SPOCK1: variants seen among roughly 807,000 people sequenced by gnomAD.
SPOCK1 encodes SPARC (osteonectin), cwcv and kazal like domains proteoglycan 1.
In SPOCK1, 23 loss-of-function variants were observed where a neutral mutation model predicts 55.3. That is an observed-to-expected ratio of 0.42 (90% CI 0.30 to 0.59). The LOEUF is 0.59. SPOCK1 is among the 20% of genes least tolerant of loss of function. The pLI is 0.22. For missense variants in SPOCK1, 499 were observed against 552.5 expected (o/e 0.90, Z 0.97); for synonymous variants, 226 against 221.0 (o/e 1.02, Z -0.20).
chr5:137,117,105 G>A (rs1181584997), intron 4 of SPOCK1, among the ~76,000 whole-genome samples: 1 of 152,172 alleles, frequency 6.6e-6, no homozygotes. Flanking sequence ...GCACACCCAG[G>A]CTAAAAGCCT....
At chr5:137,173,957 A>T (rs1201829063) in intron 3 of SPOCK1, among the ~76,000 whole-genome samples, 3 of 152,228 alleles carry the variant, frequency 2.0e-5, no homozygotes, top group Non-Finnish European at 4.4e-5. Flanking sequence ...AATAAAAGGG[A>T]TAGAGGTCCA....
At chr5:137,037,718 A>C (rs530541392) in intron 6 of SPOCK1, among the ~76,000 whole-genome samples, 56 of 152,290 alleles carry the variant, frequency 3.7e-4, no homozygotes, top group African/African-American at 1.3e-3. Context: ...CCTAAAAAAA[A>C]GTTTCCTGAT....
intron 4 of SPOCK1, among the ~76,000 whole-genome samples, chr5:137,124,803 A>G (rs1318808310): frequency 6.6e-6 from 1 of 152,218 alleles, no homozygotes; most frequent in East Asian, 1.9e-4. Flanking sequence ...AGGAGAGCTG[A>G]CTTTAGATGT....
At position 137,302,013 on chromosome 5, in the gene SPOCK1, T is replaced by C. The variant is rs61405672; in HGVS notation, c.187-34958A>G. ...TAAAACAATGTGCTTTCAACCATTATAAAATGAAATTGGTTCTTGAAGAGG... is the reference window on the plus strand; with the variant it reads ...TAAAACAATGTGCTTTCAACCATTACAAAATGAAATTGGTTCTTGAAGAGG... On this transcript the variant is annotated intron_variant, in intron 2 of 10. Coordinates refer to ENST00000394945, the MANE Select transcript of SPOCK1 (RefSeq NM_004598.4). 3.0e-3 allele frequency among the ~76,000 whole-genome samples: 455 copies of C among 152,268 alleles called. 4 individuals are homozygous for C. The highest frequency in any genetic ancestry group is 0.011 in the African/African-American group (441 of 41,554).
In SPOCK1 at chr5:137,408,913, C is replaced by T. The variant is rs76465104; in HGVS notation, c.186+89460G>A. Among the ~76,000 whole-genome samples, 438 of 152,162 alleles carry T rather than the reference C, an allele frequency of 2.9e-3. 2 individuals are homozygous for T. The highest frequency in any genetic ancestry group is 0.01 in the African/African-American group (414 of 41,398). On this transcript the variant is annotated intron_variant, in intron 2 of 10. Coordinates refer to ENST00000394945, the MANE Select transcript of SPOCK1 (RefSeq NM_004598.4). ...CCAAAAAAATGGGAGGATAACTCCA[C>T]TTTCCTCACTGGGTGAGTGGGAAGA...
At chr5:137,335,530 G>A (rs1750243838) in intron 2 of SPOCK1, among the ~76,000 whole-genome samples, 1 of 152,108 alleles carries the variant, frequency 6.6e-6, no homozygotes, top group Admixed American at 6.6e-5. Context: ...TGAAATAATT[G>A]GCCAAGAGTA....
chr5:137,178,115 G>A (rs1754892062), intron 3 of SPOCK1, among the ~76,000 whole-genome samples: 3 of 152,164 alleles, frequency 2.0e-5, no homozygotes, highest in African/African-American at 7.2e-5. Context: ...ATCAATGCAA[G>A]TGACACTTCC....
chr5:137,076,482 C>T (rs1752762975), intron 5 of SPOCK1, among the ~76,000 whole-genome samples: 1 of 152,004 alleles, frequency 6.6e-6, no homozygotes, highest in South Asian at 2.1e-4. Context: ...CTTAGCCTAG[C>T]CTACCTTCAG....
In SPOCK1 at chr5:137,285,585, C is replaced by T. The variant is rs139816424; in HGVS notation, c.187-18530G>A. On this transcript the variant is annotated intron_variant, in intron 2 of 10. Coordinates refer to ENST00000394945, the MANE Select transcript of SPOCK1 (RefSeq NM_004598.4). ...GTTATTTATTAGAAATCATCAAGAG[C>T]CACTCACACCTGTGGTAACTATTAG... 4.8e-3 allele frequency among the ~76,000 whole-genome samples: 737 copies of T among 152,318 alleles called. 12 individuals carry two copies. Among genetic ancestry groups the T allele is most frequent in the African/African-American group, 0.017 (705 of 41,568 alleles).
chr5:137,483,066 C>T (rs905781209), intron 2 of SPOCK1, among the ~76,000 whole-genome samples: 1 of 152,228 alleles, frequency 6.6e-6, no homozygotes, highest in African/African-American at 2.4e-5. Context: ...GGCATGGTGG[C>T]TCACGCCTGT....
At chr5:137,212,278 A>G (rs1016489018) in intron 3 of SPOCK1, among the ~76,000 whole-genome samples, 2 of 152,082 alleles carry the variant, frequency 1.3e-5, no homozygotes, top group African/African-American at 4.8e-5. Flanking sequence ...GTTATTCTGT[A>G]TTGAGTGTGT....
At chr5:136,992,445 T>TAATA (rs1750966545) in intron 7 of SPOCK1, 39 bp downstream of exon 7, 1 of 1,489,822 alleles carries the variant, frequency 6.7e-7, no homozygotes, top group Non-Finnish European at 9.2e-7. Context: ...AATCAATGTC[T>TAATA]AATAAATTGA....
At chr5:137,146,257 C>T (rs1342013055) in intron 3 of SPOCK1, among the ~76,000 whole-genome samples, 1 of 149,870 alleles carries the variant, frequency 6.7e-6, no homozygotes, top group Non-Finnish European at 1.5e-5. Context: ...TCCCTCTCCC[C>T]AGGAACACCA....
intron 2 of SPOCK1, among the ~76,000 whole-genome samples, chr5:137,324,063 G>A (rs1758030065): frequency 1.3e-5 from 2 of 152,012 alleles, no homozygotes; most frequent in Non-Finnish European, 1.5e-5. Flanking sequence ...GCCAAGAGGT[G>A]GAAACCACAC....
chr5:137,033,028 G>C (rs1242948776), intron 6 of SPOCK1, among the ~76,000 whole-genome samples: 3 of 152,208 alleles, frequency 2.0e-5, no homozygotes, highest in African/African-American at 7.2e-5. Flanking sequence ...TAAATGGCTG[G>C]GGATGGGCAG....
At chr5:137,246,152 C>CA (rs1756391425) in intron 3 of SPOCK1, among the ~76,000 whole-genome samples, 1 of 152,198 alleles carries the variant, frequency 6.6e-6, no homozygotes, top group Non-Finnish European at 1.5e-5. Context: ...AGAATGGACA[C>CA]ACTTCAGGTT....
chr5:137,116,685 C>A (rs1753589302), intron 4 of SPOCK1, among the ~76,000 whole-genome samples: 2 of 152,016 alleles, frequency 1.3e-5, no homozygotes, highest in African/African-American at 2.4e-5. Flanking sequence ...CCTCCTAGGG[C>A]ATAGTCTATA....
intron 5 of SPOCK1, among the ~76,000 whole-genome samples, chr5:137,097,135 C>G (rs1282960961): frequency 6.7e-6 from 1 of 150,310 alleles, no homozygotes; most frequent in South Asian, 2.1e-4. Flanking sequence ...CACCTACTTA[C>G]ACACAGGGAG....
At chr5:137,218,668 G>A (rs1203599440) in intron 3 of SPOCK1, among the ~76,000 whole-genome samples, 2 of 152,192 alleles carry the variant, frequency 1.3e-5, no homozygotes, top group Non-Finnish European at 2.9e-5. Flanking sequence ...TCAAACAAAT[G>A]AGCCACTGGT....
Sources: gnomAD v4.1 joint callset for allele counts (sites outside exome capture counted in the v4.1 genomes callset) on GRCh38, gnomAD v4.1.1 for gene constraint, MANE v1.5 for transcripts, NCBI Gene and HGNC (gene_info 2026-07-23, HGNC 2026-07-21) for gene names.